SOX5: variants seen among roughly 807,000 people sequenced by gnomAD.
SOX5 encodes the protein SRY-box transcription factor 5, also known as transcription factor SOX-5.
SOX5 carries 9 observed loss-of-function variants against 92.0 expected under a neutral mutation model. That is an observed-to-expected ratio of 0.10 (90% confidence interval 0.06 to 0.17). The LOEUF (loss-of-function observed/expected upper bound fraction) is 0.17. Among genes scored for constraint, SOX5 ranks in the 10% least tolerant of loss-of-function variants. The probability of loss-of-function intolerance (pLI) is 1.00; values close to 1 mark genes in which losing one functional copy is unlikely to be tolerated. For synonymous variants in SOX5, 344 were observed against 336.3 expected (o/e 1.02, Z -0.25); for missense variants, 642 against 944.5 (o/e 0.68, Z 4.20).
intron 1 of SOX5, among the ~76,000 whole-genome samples, chr12:23,913,741 GAAAAAAAA>G (rs765548695): frequency 1.2e-4 from 7 of 58,064 alleles, no homozygotes; most frequent in Non-Finnish European, 2.4e-4. Context: ...TGTCTCAGAA[GAAAAAAAA>G]AAAAAAAAAG....
chr12:24,443,624 T>C (rs1362913623), intron 1 of SOX5, among the ~76,000 whole-genome samples: 1 of 152,200 alleles, frequency 6.6e-6, no homozygotes, highest in Non-Finnish European at 1.5e-5. Flanking sequence ...CAAGAATGAG[T>C]TGTCACAGTT....
At chr12:24,189,869 A>C (rs1249329589) in intron 4 of SOX5, among the ~76,000 whole-genome samples, 1 of 152,212 alleles carries the variant, frequency 6.6e-6, no homozygotes, top group Admixed American at 6.5e-5. Context: ...ACAAGTTCCA[A>C]TATTGAGACA....
intron 4 of SOX5, among the ~76,000 whole-genome samples, chr12:24,008,506 C>T (rs1379371298): frequency 6.6e-6 from 1 of 151,918 alleles, no homozygotes; most frequent in Non-Finnish European, 1.5e-5. Flanking sequence ...ATTAAATCCA[C>T]CTATATATTT....
intron 4 of SOX5, among the ~76,000 whole-genome samples, chr12:24,152,109 G>A (rs2138844525): frequency 6.6e-6 from 1 of 152,194 alleles, no homozygotes; most frequent in Non-Finnish European, 1.5e-5. Flanking sequence ...CTATTCTGTA[G>A]AAATCTTATC....
At chr12:23,834,907 A>T (rs909938287) in intron 3 of SOX5, among the ~76,000 whole-genome samples, 1 of 151,948 alleles carries the variant, frequency 6.6e-6, no homozygotes, top group African/African-American at 2.4e-5. Context: ...CAAAGACATG[A>T]ATATAGAAAG....
chr12:23,616,033 TATTCTTTAATTTTCAAAAATCCTA>T (rs920197480), intron 8 of SOX5, among the ~76,000 whole-genome samples: 4 of 152,348 alleles, frequency 2.6e-5, no homozygotes, highest in African/African-American at 9.6e-5. Flanking sequence ...AGTAATTTTT[TATTCTTTAATTTTCAAAAATCCTA>T]ACAGAGGAGA....
chr12:24,339,307 G>A (rs1346918438), intron 2 of SOX5, among the ~76,000 whole-genome samples: 1 of 152,118 alleles, frequency 6.6e-6, no homozygotes, highest in Admixed American at 6.6e-5. Context: ...TCATGGCAGG[G>A]CCCTTCATCA....
At chr12:24,353,831 G>A (rs1424846875) in intron 2 of SOX5, among the ~76,000 whole-genome samples, 3 of 152,056 alleles carry the variant, frequency 2.0e-5, no homozygotes, top group Admixed American at 2.0e-4. Context: ...AGTAGAGACA[G>A]GGTTTCACCA....
At chr12:23,843,492 G>C (rs1414780914) in intron 3 of SOX5, among the ~76,000 whole-genome samples, 1 of 146,102 alleles carries the variant, frequency 6.8e-6, no homozygotes, top group African/African-American at 2.5e-5. Context: ...AAAATAAAGT[G>C]AATGTATAAA....
At chr12:24,123,938 T>C (rs532410564) in intron 4 of SOX5, among the ~76,000 whole-genome samples, 170 of 152,228 alleles carry the variant, frequency 1.1e-3, no homozygotes, top group Admixed American at 1.8e-3. Flanking sequence ...TTCCAGAAGT[T>C]GCATGCTAAA....
intron 6 of SOX5, among the ~76,000 whole-genome samples, chr12:23,727,127 A>G (rs2093176035): frequency 6.6e-6 from 1 of 152,150 alleles, no homozygotes; most frequent in South Asian, 2.1e-4. Context: ...TTTTTTAGTG[A>G]TTTTTCTGAG....
intron 4 of SOX5, among the ~76,000 whole-genome samples, chr12:24,052,061 G>T (rs1480155511): frequency 6.6e-6 from 1 of 152,070 alleles, no homozygotes; most frequent in Non-Finnish European, 1.5e-5. Flanking sequence ...ATCTTCAATA[G>T]AGCCTTACTT....
intron 1 of SOX5, among the ~76,000 whole-genome samples, chr12:24,442,481 C>T (rs1014859244): frequency 2.0e-5 from 3 of 152,010 alleles, no homozygotes; most frequent in Admixed American, 1.3e-4. Flanking sequence ...AAAAATAAAG[C>T]AAAGAAGAGA....
chr12:24,071,595 G>A lies in SOX5; in HGVS notation c.-2+141748C>T, dbSNP rs1592884494. Among the ~76,000 whole-genome samples, 9 of 152,022 alleles carry A rather than the reference G, an allele frequency of 5.9e-5. 1 individual carries two copies. The highest frequency in any genetic ancestry group is 1.7e-4 in the African/African-American group (7 of 41,482). On this transcript the variant is annotated intron_variant, in intron 4 of 4. Coordinates refer to the SOX5 transcript ENST00000446891. ...GATACAGGCACCCGCCACCACGCCC[G>A]GCTAATTTTTCATAGTTTTTAGTAG...
chr12:24,148,122 C>G (rs569402218), intron 4 of SOX5, among the ~76,000 whole-genome samples: 1 of 152,198 alleles, frequency 6.6e-6, no homozygotes, highest in East Asian at 1.9e-4. Context: ...GAAGAAAATA[C>G]AAAGTGTGGT....
In SOX5 at chr12:24,057,699, A is replaced by G. The variant is rs1438301643; in HGVS notation, c.-2+155644T>C. On this transcript the variant is annotated intron_variant, in intron 4 of 4. Coordinates refer to the SOX5 transcript ENST00000446891. ...TTAACTTTAAAAAAATTATAACTCC[A>G]CAACACAGGCAATAATATGTTACCA... Among the ~76,000 whole-genome samples the G allele has an allele frequency of 2.0e-5, 3 of 152,184 alleles. No homozygotes were observed. The East Asian group carries it at 5.8e-4, about 29-fold the overall frequency.
At chr12:24,206,065 A>G (rs1443043036) in intron 4 of SOX5, among the ~76,000 whole-genome samples, 3 of 152,238 alleles carry the variant, frequency 2.0e-5, no homozygotes, top group Non-Finnish European at 4.4e-5. Flanking sequence ...ACACATGCAC[A>G]TGATACCTGG....
At chr12:23,969,875 T>C (rs1186508318) in intron 4 of SOX5, among the ~76,000 whole-genome samples, 1 of 152,234 alleles carries the variant, frequency 6.6e-6, no homozygotes, top group Non-Finnish European at 1.5e-5. Flanking sequence ...TTTGGTTTAC[T>C]ACCAAACCAG....
At chr12:24,395,440 T>C (rs926518932) in intron 1 of SOX5, among the ~76,000 whole-genome samples, 2 of 152,196 alleles carry the variant, frequency 1.3e-5, no homozygotes, top group African/African-American at 4.8e-5. Context: ...CCAATTGCTC[T>C]CTAATCTGTT....
Sources: allele counts gnomAD v4.1 joint callset (sites outside exome capture counted in the v4.1 genomes callset), GRCh38; gene constraint gnomAD v4.1.1; transcripts MANE v1.5; gene names NCBI Gene and HGNC (gene_info 2026-07-23, HGNC 2026-07-21).